ADGRV1: variants seen among roughly 807,000 people sequenced by gnomAD.
ADGRV1 encodes adhesion G protein-coupled receptor V1.
ADGRV1 carries 359 observed loss-of-function variants against 596.2 expected under a neutral mutation model. The ratio of observed to expected loss-of-function variants is 0.60; its 90% CI spans 0.55 to 0.66. The LOEUF (loss-of-function observed/expected upper bound fraction) is 0.66. Among genes scored for constraint, ADGRV1 ranks in the 30% least tolerant of loss-of-function variants. The pLI, the probability that ADGRV1 is intolerant of heterozygous loss-of-function variation, is 0.00. For synonymous variants in ADGRV1, 2,681 were observed against 2,679.2 expected, an observed-to-expected ratio of 1.00 and a Z score of -0.02; for missense variants, 7,274 against 7,575.6, an observed-to-expected ratio of 0.96 and a Z score of 1.48.
At chr5:90,814,523 G>A (rs958511334) in intron 74 of ADGRV1, among the ~76,000 whole-genome samples, 1 of 152,098 alleles carries the variant, frequency 6.6e-6, no homozygotes, top group South Asian at 2.1e-4. Flanking sequence ...GATCTGGTGG[G>A]AGATTATTGG....
intron 48 of ADGRV1, among the ~76,000 whole-genome samples, chr5:90,726,138 G>C (rs1317780565): frequency 1.3e-5 from 2 of 152,154 alleles, no homozygotes; most frequent in Non-Finnish European, 2.9e-5. Context: ...TGAAGTGAAA[G>C]CTACCAAAAG....
At chr5:91,117,666 C>A (rs891022960) in intron 87 of ADGRV1, among the ~76,000 whole-genome samples, 3 of 152,158 alleles carry the variant, frequency 2.0e-5, no homozygotes, top group African/African-American at 7.2e-5. Context: ...TTACTAAAAC[C>A]ATTTACTCAA....
In ADGRV1 at chr5:90,579,735, G is replaced by C. The variant is rs184310949; in HGVS notation, c.22+20818G>C. Among the ~76,000 whole-genome samples the C allele has an allele frequency of 4.4e-3, 670 of 152,260 alleles. 7 individuals carry two copies. The highest frequency in any genetic ancestry group is 0.012 in the African/African-American group (484 of 41,546). ...AAAGTCTCCCATTATTATTGTGTGG[G>C]AGTCTAAGTCTCTTTGTAGGTCTCT... On this transcript the variant is annotated intron_variant, in intron 1 of 89. Transcript: ENST00000405460.
At chr5:91,135,230 T>A (rs1794537851) in intron 87 of ADGRV1, among the ~76,000 whole-genome samples, 1 of 151,972 alleles carries the variant, frequency 6.6e-6, no homozygotes, top group South Asian at 2.1e-4. Context: ...CATTTCCTTG[T>A]GTACTAAAAT....
In ADGRV1 at chr5:90,692,664, T is replaced by C; in HGVS notation, c.7011T>C (p.Ile2337=). Residue 2337 remains isoleucine, a synonymous_variant, in exon 32 of 90, where the codon ATT becomes ATC. Coordinates refer to ENST00000405460, the MANE Select transcript of ADGRV1 (RefSeq NM_032119.4). ...GAGGTACTATTGGGTTAGATCGAAT[T>C]GCAAATATTATTATTCCTGCCAATG... ...SGGGTIGLDR[I]ANIIIPANDD... is the part of the protein sequence containing the mutation. The C allele has an allele frequency of 1.9e-6, 3 of 1,611,594 alleles. No individual in the cohort carries two copies. The South Asian group carries it at 3.3e-5, about 18-fold the overall frequency.
At chr5:90,673,741 CT>C (rs1772831546) in intron 22 of ADGRV1, among the ~76,000 whole-genome samples, 1 of 152,128 alleles carries the variant, frequency 6.6e-6, no homozygotes, top group Non-Finnish European at 1.5e-5. Context: ...AAAACCCCAT[CT>C]TTTAATACCA....
At chr5:90,689,530 A>AT (rs1349543626) in intron 29 of ADGRV1, among the ~76,000 whole-genome samples, 3 of 151,608 alleles carry the variant, frequency 2.0e-5, no homozygotes, top group Non-Finnish European at 4.4e-5. Context: ...AAAAGTACAC[A>AT]TTTTTTTCTT....
chr5:90,976,320 GTGTATATATA>G (rs1334622537), intron 84 of ADGRV1, among the ~76,000 whole-genome samples: 144 of 110,408 alleles, frequency 1.3e-3, no homozygotes, highest in Middle Eastern at 4.8e-3. Flanking sequence ...GTGTGTGTGT[GTGTATATATA>G]TATATATATA....
intron 82 of ADGRV1, among the ~76,000 whole-genome samples, chr5:90,857,513 G>A (rs1485134003): frequency 6.6e-6 from 1 of 152,086 alleles, no homozygotes; most frequent in Admixed American, 6.6e-5. Flanking sequence ...TATCTTTTCT[G>A]CAACTTACTC....
chr5:90,700,147 T>A (rs1747722350), intron 34 of ADGRV1, among the ~76,000 whole-genome samples: 1 of 152,202 alleles, frequency 6.6e-6, no homozygotes, highest in Non-Finnish European at 1.5e-5. Context: ...CAGAGAAATG[T>A]GTATCATGAT....
chr5:91,145,044 C>T (rs2126866426), intron 87 of ADGRV1, among the ~76,000 whole-genome samples: 1 of 152,304 alleles, frequency 6.6e-6, no homozygotes, highest in East Asian at 1.9e-4. Flanking sequence ...TAATGAAAGT[C>T]CATTTTCTAT....
chr5:90,748,930 A>T (rs1391664586), intron 52 of ADGRV1, among the ~76,000 whole-genome samples: 1 of 151,042 alleles, frequency 6.6e-6, no homozygotes, highest in Non-Finnish European at 1.5e-5. Context: ...GGGGCTTAGG[A>T]TGAACCTGTC....
chr5:91,143,150 A>AG (rs1329730338), intron 87 of ADGRV1, among the ~76,000 whole-genome samples: 1 of 152,190 alleles, frequency 6.6e-6, no homozygotes, highest in Admixed American at 6.5e-5. Flanking sequence ...GGCTGGCACC[A>AG]GGGGACACAG....
chr5:90,742,836 C>A (rs117217627), intron 50 of ADGRV1, among the ~76,000 whole-genome samples: 2 of 152,048 alleles, frequency 1.3e-5, no homozygotes, highest in Admixed American at 1.3e-4. Flanking sequence ...AGATTAGATA[C>A]GGAGGGAGAC....
chr5:90,611,642 A>G (rs1007762666), intron 1 of ADGRV1, among the ~76,000 whole-genome samples: 3 of 151,972 alleles, frequency 2.0e-5, no homozygotes, highest in African/African-American at 7.2e-5. Flanking sequence ...ATCTTAAAAC[A>G]TATGTTTGAA....
intron 87 of ADGRV1, among the ~76,000 whole-genome samples, chr5:91,129,255 A>G (rs920677108): frequency 6.6e-6 from 1 of 150,780 alleles, no homozygotes; most frequent in Non-Finnish European, 1.5e-5. Flanking sequence ...ATTATTAAAC[A>G]TCTACTTTTA....
At chr5:90,819,791 T>G (rs531209963) in intron 75 of ADGRV1, among the ~76,000 whole-genome samples, 141 of 152,328 alleles carry the variant, frequency 9.3e-4, no homozygotes, top group African/African-American at 3.2e-3. Flanking sequence ...TAGTTTGTTA[T>G]AATCTCTGTT....
In ADGRV1 at chr5:90,823,530, A is replaced by G. The variant is rs887273790; in HGVS notation, c.16302A>G (p.Ser5434=). 1 of 1,613,972 alleles carries G rather than the reference A, an allele frequency of 6.2e-7. No homozygotes were observed. Among genetic ancestry groups the G allele is most frequent in the Non-Finnish European group, 8.5e-7 (1 of 1,179,848 alleles). ...VNLVEELQSV[S]GTTTCTMGQT... ...TGGTGGAGGAACTTCAGTCTGTGTC[A>G]GGGACCACAACCTGTACAATGGGTC... is the stretch of plus-strand genomic sequence containing the variant. Residue 5434 remains serine (S), a synonymous_variant, in exon 76 of 90, where the codon TCA becomes TCG. Transcript: ENST00000405460.
intron 87 of ADGRV1, among the ~76,000 whole-genome samples, chr5:91,107,558 T>C (rs2126675845): frequency 6.6e-6 from 1 of 152,342 alleles, no homozygotes; most frequent in East Asian, 1.9e-4. Context: ...TAATGCCCTC[T>C]CTTTTCTCTT....
Sources: allele counts gnomAD v4.1 joint callset (sites outside exome capture counted in the v4.1 genomes callset), GRCh38; gene constraint gnomAD v4.1.1; transcripts MANE v1.5; gene names NCBI Gene and HGNC (gene_info 2026-07-23, HGNC 2026-07-21).